PPP2R2D: variants seen among roughly 807,000 people sequenced by gnomAD.
PPP2R2D encodes protein phosphatase 2 regulatory subunit Bdelta, also known as serine/threonine-protein phosphatase 2A 55 kDa regulatory subunit B delta isoform.
Under a neutral mutation model 31.1 loss-of-function variants are expected in PPP2R2D, and 9 were observed. The ratio of observed to expected loss-of-function variants is 0.29; its 90% confidence interval spans 0.17 to 0.51. The LOEUF (loss-of-function observed/expected upper bound fraction) is 0.51, where lower values mean the gene tolerates loss of function less well. Ranked by LOEUF, PPP2R2D falls within the 20% of genes least tolerant of loss-of-function variation. The pLI, the probability that PPP2R2D is intolerant of heterozygous loss-of-function variation, is 0.98. For missense variants in PPP2R2D, 391 were observed against 465.6 expected (o/e 0.84, Z 1.48); for synonymous variants, 179 against 172.6 (o/e 1.04, Z -0.29).
intron 2 of PPP2R2D, among the ~76,000 whole-genome samples, chr10:131,906,437 G>C (rs2119712079): frequency 6.6e-6 from 1 of 152,264 alleles, no homozygotes; most frequent in Admixed American, 6.5e-5. Context: ...CAAAACTAAA[G>C]GTTTGTTTGC....
rs868909153 is a variant in PPP2R2D at position 131,934,315 on chromosome 10, A to G, written c.101-143A>G. The stretch of plus-strand genomic sequence containing the variant: ...CAATAAGTGGCCACTTGGTAATTAC[A>G]AGTTTGCCAAGACAGTTTTGCTTTA... On this transcript the variant is annotated intron_variant, in intron 2 of 8. Coordinates refer to ENST00000455566, the MANE Select transcript of PPP2R2D (RefSeq NM_018461.5). 2.5e-5 allele frequency: 15 copies of G among 593,188 alleles called. No individual in the cohort carries two copies. In the Middle Eastern group the frequency reaches 3.8e-3, roughly 149 times the overall value. The allele number at this position is 593,188 out of a possible 1,614,324, so 36.7% of individuals were successfully genotyped here. A position where few individuals can be genotyped will look rare whatever the true frequency, so the allele number is the denominator to read the frequency against.
At chr10:131,967,345 T>C in the PPP2R2D span, 1 of 152,248 alleles carries the variant, frequency 6.6e-6, no homozygotes, top group Non-Finnish European at 1.5e-5. Context: ...ATATTTGCTC[T>C]AAAACAAAAA....
At position 131,955,859 on chromosome 10, in the gene PPP2R2D, G is replaced by T; in HGVS notation, c.1258G>T (p.Asp420Tyr). 1 of 1,610,674 alleles carries T rather than the reference G, an allele frequency of 6.2e-7. No homozygotes were observed. Among genetic ancestry groups the T allele is most frequent in the Non-Finnish European group, 8.5e-7 (1 of 1,178,258 alleles). ...RKDEISVDSLDFNKKILHTAW... is the reference protein window; with the variant it reads ...RKDEISVDSLYFNKKILHTAW... ...AGACGAGATCAGTGTGGACAGTCTG[G>T]ACTTCAACAAGAAGATCCTGCACAC... Residue 420 changes from aspartate (D) to tyrosine (Y), a missense_variant, in exon 9 of 9, where the codon GAC becomes TAC. Physicochemically the swap from Asp to Tyr is radical, Grantham distance 160 (BLOSUM62 -3). Around this residue, in one of 3 missense-constraint regions of PPP2R2D, gnomAD observed 163 missense variants for 179.5 expected, o/e 0.91. Coordinates refer to ENST00000455566, the MANE Select transcript of PPP2R2D (RefSeq NM_018461.5).
Position 131,901,334 on chromosome 10 carries a change from A to AGCCCCGCGCCGC in PPP2R2D, c.100+12_100+23dup. The stretch of plus-strand genomic sequence containing the variant: ...ATCGACGAGGACGTGGCCGAAGGTG[A>AGCCCCGCGCCGC]GCCCCGCGCCGCGCCCCGCCCCGGG... On this transcript the variant is annotated splice_donor_region_variant and intron_variant, in intron 2 of 8. Coordinates refer to ENST00000455566, the MANE Select transcript of PPP2R2D (RefSeq NM_018461.5). 1 of 355,788 alleles carries AGCCCCGCGCCGC rather than the reference A, an allele frequency of 2.8e-6. No homozygotes were observed. Among genetic ancestry groups the AGCCCCGCGCCGC allele is most frequent in the Non-Finnish European group, 5.0e-6 (1 of 198,714 alleles). The allele number at this position is 355,788 out of a possible 1,614,324, so 22.0% of individuals were successfully genotyped here.
chr10:131,942,377 T>C (rs1554897356), intron 5 of PPP2R2D, among the ~76,000 whole-genome samples: 1 of 152,238 alleles, frequency 6.6e-6, no homozygotes. Context: ...ATTTCATTAG[T>C]TGGTGCATGG....
rs549101502 is a variant in PPP2R2D, at chr10:131,955,969, C to G, written c.*6C>G. 2 of 1,488,246 alleles carry G rather than the reference C, an allele frequency of 1.3e-6. No individual in the cohort carries two copies. 92.2% of individuals were successfully genotyped at this position (1,488,246 alleles called of 1,614,324 possible). A position where few individuals can be genotyped will look rare whatever the true frequency, so the allele number is the denominator to read the frequency against. ...TCCAGGACAAAATCAACTAGAGACG[C>G]GAACGTGAGGACCAAGTCTTGTCTT... On this transcript the variant is annotated 3_prime_UTR_variant, in exon 9 of 9. Transcript: ENST00000455566.
chr10:131,963,966 C>T (rs1554901849), downstream of PPP2R2D, among the ~76,000 whole-genome samples: 1 of 152,160 alleles, frequency 6.6e-6, no homozygotes, highest in Non-Finnish European at 1.5e-5. Flanking sequence ...AAAGCGCCCA[C>T]GTTGTATTTC....
chr10:131,943,799 G>GTAGCATAT (rs2119882429), intron 5 of PPP2R2D, among the ~76,000 whole-genome samples, 169 bp from the exon 6 acceptor site: 1 of 152,328 alleles, frequency 6.6e-6, no homozygotes, highest in Non-Finnish European at 1.5e-5. Flanking sequence ...ATTCCATTTT[G>GTAGCATAT]TAGCATATTT....
intron 3 of PPP2R2D, among the ~76,000 whole-genome samples, chr10:131,938,937 T>G (rs1234618147): frequency 6.6e-6 from 1 of 152,248 alleles, no homozygotes; most frequent in Non-Finnish European, 1.5e-5. Flanking sequence ...AGGGCCAGAT[T>G]GCAAACATTT....
chr10:131,937,070 G>C (rs927886122), intron 3 of PPP2R2D, among the ~76,000 whole-genome samples: 1 of 152,236 alleles, frequency 6.6e-6, no homozygotes, highest in Non-Finnish European at 1.5e-5. Flanking sequence ...AGGTTCACAG[G>C]CGTCCACGTG....
intron 2 of PPP2R2D, among the ~76,000 whole-genome samples, chr10:131,918,371 T>G (rs534039491): frequency 7.1e-6 from 1 of 141,818 alleles, no homozygotes. Context: ...ACACAGTGTT[T>G]GTAGGGACCT....
intron 2 of PPP2R2D, among the ~76,000 whole-genome samples, chr10:131,932,646 C>CAAAAAAAAAAAAAA (rs368610703): frequency 0.028 from 1,637 of 57,690 alleles, 204 homozygotes; most frequent in Non-Finnish European, 0.041. Context: ...CAGCCTGTCT[C>CAAAAAAAAAAAAAA]AAAAAAAAAA....
intron 2 of PPP2R2D, among the ~76,000 whole-genome samples, chr10:131,922,430 A>G (rs1402835049): frequency 6.6e-6 from 1 of 151,624 alleles, no homozygotes; most frequent in Non-Finnish European, 1.5e-5. Context: ...CATGTTGTAC[A>G]TGATACATAC....
In PPP2R2D at chr10:131,957,592, G is replaced by T. The variant is rs2036827266; in HGVS notation, c.*1629G>T. ...GCGTGCTGATCCCCCATCTCCCTGT[G>T]GAGATGAAGGTGTGTGCTGATCCCC... On this transcript the variant is annotated 3_prime_UTR_variant, in exon 9 of 9. Transcript: ENST00000455566. 2.9e-5 allele frequency: 5 copies of T among 174,390 alleles called. No individual in the cohort carries two copies. The South Asian group carries it at 4.9e-4, about 17-fold the overall frequency. 10.8% of individuals were successfully genotyped at this position (174,390 alleles called of 1,614,324 possible). A position where few individuals can be genotyped will look rare whatever the true frequency, so the allele number is the denominator to read the frequency against.
rs2036565008 is a variant in PPP2R2D, at chr10:131,947,598, G to A, written c.889G>A (p.Val297Ile). 1.9e-6 allele frequency: 3 copies of A among 1,614,212 alleles called. No homozygotes were observed. Among genetic ancestry groups the A allele is most frequent in the Non-Finnish European group, 2.5e-6 (3 of 1,180,042 alleles). Residue 297 changes from valine (V) to isoleucine (I), a missense_variant, in exon 8 of 9, where the codon GTA becomes ATA. Around this residue, in one of 3 missense-constraint regions of PPP2R2D, gnomAD observed 123 missense variants for 187.7 expected, o/e 0.66. Transcript: ENST00000455566. The surrounding 1 kb of genome is among the most constrained non-coding windows in gnomAD (Gnocchi z 4.3). ...AGAAATAATTTCATCCATATCCGAT[G>A]TAAAATTCAGTCATAGTGGGCGGTA... ...FSEIISSISD[V>I]KFSHSGRYMM...
At chr10:131,920,547 A>G (rs2035965650) in intron 2 of PPP2R2D, among the ~76,000 whole-genome samples, 1 of 152,268 alleles carries the variant, frequency 6.6e-6, no homozygotes, top group African/African-American at 2.4e-5. Context: ...ATATTGTAGC[A>G]TATGTCAGAA....
At chr10:131,933,806 T>G (rs1329941882) in intron 2 of PPP2R2D, among the ~76,000 whole-genome samples, 1 of 152,146 alleles carries the variant, frequency 6.6e-6, no homozygotes, top group South Asian at 2.1e-4. Context: ...AGTGGTGGTG[T>G]TCCTTCTGCC....
At position 131,957,737 on chromosome 10, in the gene PPP2R2D, G is replaced by A. The variant is rs1483947647; in HGVS notation, c.*1774G>A. On this transcript the variant is annotated 3_prime_UTR_variant, in exon 9 of 9. Transcript: ENST00000455566. ...GTGTGTGCTGATCCCCCATCTCCCTGTGGAGATGAAGGGGTGTGCCAATCC... is the reference window on the plus strand; with the variant it reads ...GTGTGTGCTGATCCCCCATCTCCCTATGGAGATGAAGGGGTGTGCCAATCC... 4 of 154,386 alleles carry A rather than the reference G, an allele frequency of 2.6e-5. No individual in the cohort carries two copies. Among genetic ancestry groups the A allele is most frequent in the South Asian group, 1.5e-4 (1 of 6,522 alleles). The allele number at this position is 154,386 out of a possible 1,614,324, so 9.6% of individuals were successfully genotyped here.
chr10:131,965,655 A>G, the PPP2R2D span, among the ~76,000 whole-genome samples: 5 of 152,302 alleles, frequency 3.3e-5, no homozygotes, highest in East Asian at 1.9e-4. Context: ...CATGTTGGCC[A>G]GGCTGATCGC....
Sources: allele counts gnomAD v4.1 joint callset (sites outside exome capture counted in the v4.1 genomes callset), GRCh38; gene constraint gnomAD v4.1.1; regional missense constraint gnomAD v4.1.1; non-coding constraint Gnocchi (gnomAD v3.1); transcripts MANE v1.5; gene names NCBI Gene and HGNC (gene_info 2026-07-23, HGNC 2026-07-21).